IARS1: variants seen among roughly 807,000 people sequenced by gnomAD.
IARS1 encodes isoleucine--tRNA ligase, cytoplasmic.
A neutral mutation model predicts 168.2 loss-of-function variants in IARS1; 124 were observed. The observed-to-expected ratio is 0.74, with a 90% confidence interval of 0.64 to 0.86. The LOEUF (loss-of-function observed/expected upper bound fraction) is 0.86, where lower values mean the gene tolerates loss of function less well. Ranked by LOEUF, IARS1 falls within the 40% of genes least tolerant of loss-of-function variation. The probability of loss-of-function intolerance (pLI) is 0.00; values close to 1 mark genes in which losing one functional copy is unlikely to be tolerated. For synonymous variants in IARS1, 532 were observed against 529.4 expected, an observed-to-expected ratio of 1.00 and a Z score of -0.07; for missense variants, 1,452 against 1,515.8, an observed-to-expected ratio of 0.96 and a Z score of 0.70.
intron 2 of IARS1, among the ~76,000 whole-genome samples, 154 bp from the exon 3 acceptor site, chr9:92,288,436 G>GT (rs1835800108): frequency 6.6e-6 from 1 of 152,156 alleles, no homozygotes; most frequent in Non-Finnish European, 1.5e-5. Context: ...TTTACTGGTG[G>GT]TCCTGCCTTC....
rs1825151826 is a variant in IARS1 at position 92,223,540 on chromosome 9, T to C, written c.3410-51A>G. 5 of 1,472,572 alleles carry C rather than the reference T, an allele frequency of 3.4e-6. No homozygotes were observed. The East Asian group carries it at 1.1e-4, about 34-fold the overall frequency. The allele number at this position is 1,472,572 out of a possible 1,614,324, so 91.2% of individuals were successfully genotyped here. ...CAGGGTTAACGAACAAATTCAAAAC[T>C]GAAGTCATTCAATTTTTCCTATTTA... is the stretch of plus-strand genomic sequence containing the variant. On this transcript the variant is annotated intron_variant, in intron 31 of 33. Transcript: ENST00000443024.
At chr9:92,289,235 C>A in intron 2 of IARS1, 66 bp downstream of exon 2, 5 of 588,758 alleles carry the variant, frequency 8.5e-6, no homozygotes, top group Non-Finnish European at 1.6e-5. Context: ...AAAGTATCTG[C>A]TTTAATGGAA....
At position 92,210,916 on chromosome 9, in the gene IARS1, A is replaced by T. The variant is rs772342731; in HGVS notation, c.3707-27T>A. ...TAGAATGGAAAGAAAAAGTTGAAAA[A>T]AAATCAGTATTTTACCTATTGGGGG... is the stretch of plus-strand genomic sequence containing the variant. On this transcript the variant is annotated intron_variant, in intron 33 of 33. Transcript: ENST00000443024. 4.8e-6 allele frequency: 7 copies of T among 1,449,402 alleles called. No individual in the cohort carries two copies. In the Admixed American group the frequency reaches 1.2e-4, roughly 24 times the overall value. 89.8% of individuals were successfully genotyped at this position (1,449,402 alleles called of 1,614,324 possible). A position where few individuals can be genotyped will look rare whatever the true frequency, so the allele number is the denominator to read the frequency against.
chr9:92,262,311 T>C (rs891553021), intron 17 of IARS1, among the ~76,000 whole-genome samples: 1 of 152,156 alleles, frequency 6.6e-6, no homozygotes, highest in Non-Finnish European at 1.5e-5. Context: ...AAATGTTAGG[T>C]GACATCCTCT....
At chr9:92,252,451 G>T in intron 21 of IARS1, 1 of 496,976 alleles carries the variant, frequency 2.0e-6, no homozygotes, top group East Asian at 5.6e-5. Context: ...TTGTGTTGCA[G>T]GCTTTTATTA....
Position 92,242,777 on chromosome 9 carries a change from CTG to C in IARS1, c.3000+437_3000+438del. ...CACTAGCAGGGGCTTTGCAGCCCCT[CTG>C]CGCTCCAGGATGAGCTCCCTGCATA... On this transcript the variant is annotated intron_variant, in intron 28 of 33. Coordinates refer to ENST00000443024, the MANE Select transcript of IARS1 (RefSeq NM_002161.6). 3 of 201,544 alleles carry C rather than the reference CTG, an allele frequency of 1.5e-5. No homozygotes were observed. The South Asian group carries it at 2.9e-4, about 19-fold the overall frequency. 12.5% of individuals were successfully genotyped at this position (201,544 alleles called of 1,614,324 possible).
At chr9:92,274,601 A>T (rs1462587354) in intron 9 of IARS1, 80 bp from the exon 10 acceptor site, 1 of 975,514 alleles carries the variant, frequency 1.0e-6, no homozygotes, top group African/African-American at 1.6e-5. Context: ...TTTTCCTAAG[A>T]ACCTGAAAAT....
In IARS1 at chr9:92,289,544, T is replaced by G. The variant is rs78272535; in HGVS notation, c.-7-118A>C. 2,693 of 642,360 alleles carry G rather than the reference T, an allele frequency of 4.2e-3. 38 individuals are homozygous for G. The highest frequency in any genetic ancestry group is 0.032 in the African/African-American group (1,715 of 54,386). The allele number at this position is 642,360 out of a possible 1,614,324, so 39.8% of individuals were successfully genotyped here. A position where few individuals can be genotyped will look rare whatever the true frequency, so the allele number is the denominator to read the frequency against. ...ATACTTTTAAAAAATTACAGCTTTA[T>G]TGATGTACAATTTACATAGTGTAAT... On this transcript the variant is annotated intron_variant, in intron 1 of 33. Coordinates refer to ENST00000443024, the MANE Select transcript of IARS1 (RefSeq NM_002161.6).
At position 92,245,014 on chromosome 9, in the gene IARS1, G is replaced by C. The variant is rs1347752502; in HGVS notation, c.2849C>G (p.Thr950Ser). 6.2e-7 allele frequency: 1 copy of C among 1,614,182 alleles called. No individual in the cohort carries two copies. The highest frequency in any genetic ancestry group is 2.2e-5 in the East Asian group (1 of 44,886). ...AGTCCCACCTGTGGCCTGATCAAAGGTGTACATGAGGCGGATGTCTTCATC... is the reference window on the plus strand; with the variant it reads ...AGTCCCACCTGTGGCCTGATCAAAGCTGTACATGAGGCGGATGTCTTCATC... ...LHDEDIRLMY[T>S]FDQATGGTAQ... Residue 950 changes from threonine to serine, a missense_variant, in exon 27 of 34, where the codon ACC (threonine) becomes AGC (serine). Transcript: ENST00000443024.
intron 22 of IARS1, chr9:92,251,180 C>A: frequency 2.2e-6 from 1 of 463,414 alleles, no homozygotes; most frequent in Non-Finnish European, 4.3e-6. Context: ...ATACCCCCTG[C>A]TTCACAGGAT....
chr9:92,242,327 T>C lies in IARS1; in HGVS notation c.3004A>G (p.Asn1002Asp), dbSNP rs1828552865. Reference sequence around the variant, plus strand: ...GTGATTTCATCAGTTGGAACCAGATTGCACTGAAAACACACACAGAAAAAT... The same window carrying C: ...GTGATTTCATCAGTTGGAACCAGATCGCACTGAAAACACACACAGAAAAAT... ...NRIQKLRKKC[N>D]LVPTDEITVY... The change falls in exon 29 of 34, where the codon AAT (asparagine) becomes GAT (aspartate). Residue 1002 changes from asparagine (N) to aspartate (D), a missense_variant. Asn to Asp is a conservative substitution (Grantham distance 23). Transcript: ENST00000443024. 1.2e-6 allele frequency: 2 copies of C among 1,609,632 alleles called. No homozygotes were observed. Among genetic ancestry groups the C allele is most frequent in the East Asian group, 4.5e-5 (2 of 44,840 alleles).
At chr9:92,290,155 C>T (rs1270504788) in intron 1 of IARS1, among the ~76,000 whole-genome samples, 4 of 152,120 alleles carry the variant, frequency 2.6e-5, no homozygotes, top group African/African-American at 9.7e-5. Context: ...AGTGACTGTA[C>T]TATTTTACAT....
intron 33 of IARS1, among the ~76,000 whole-genome samples, chr9:92,219,042 C>G (rs1471545398): frequency 1.3e-5 from 2 of 152,104 alleles, no homozygotes; most frequent in Non-Finnish European, 2.9e-5. Context: ...CTACAGTAAC[C>G]AAAACAGCAT....
At chr9:92,231,913 A>G (rs1826768392) in intron 30 of IARS1, among the ~76,000 whole-genome samples, 1 of 152,238 alleles carries the variant, frequency 6.6e-6, no homozygotes, top group South Asian at 2.1e-4. Flanking sequence ...GCAGATATAC[A>G]ACTTTTAAAT....
At chr9:92,272,914 G>C (rs1040200682) in intron 10 of IARS1, among the ~76,000 whole-genome samples, 4 of 148,004 alleles carry the variant, frequency 2.7e-5, no homozygotes, top group African/African-American at 9.9e-5. Flanking sequence ...AAAAGCTATA[G>C]TTTAAAGAAT....
At chr9:92,285,261 GCAA>G (rs753992935) in intron 6 of IARS1, among the ~76,000 whole-genome samples, 29 of 152,064 alleles carry the variant, frequency 1.9e-4, no homozygotes, top group African/African-American at 2.9e-4. Flanking sequence ...CTCAATCATA[GCAA>G]CAACAACAAC....
Position 92,288,212 on chromosome 9 carries a change from T to C in IARS1, c.190A>G (p.Ile64Val), listed in dbSNP as rs1564190434. 1 of 1,613,950 alleles carries C rather than the reference T, an allele frequency of 6.2e-7. No individual in the cohort carries two copies. Among genetic ancestry groups the C allele is most frequent in the Admixed American group, 1.7e-5 (1 of 59,994 alleles). Residue 64 changes from isoleucine (I) to valine (V), a missense_variant, in exon 3 of 34, where the codon ATT becomes GTT. By Grantham distance (29) the Ile-to-Val change is conservative. Coordinates refer to ENST00000443024, the MANE Select transcript of IARS1 (RefSeq NM_002161.6). ...PHYGHILAGT[I>V]KDIVTRYAHQ... The stretch of plus-strand genomic sequence containing the variant: ...GCATATCTTGTAACTATATCTTTAA[T>C]TGTACCCGCAAGTATATGTCCATAG...
intron 30 of IARS1, among the ~76,000 whole-genome samples, chr9:92,231,414 C>CTT (rs869062848): frequency 9.6e-5 from 13 of 135,106 alleles, no homozygotes; most frequent in South Asian, 2.4e-4. Context: ...TTATTTTTTT[C>CTT]TTTTTTTTTT....
chr9:92,239,820 C>G (rs1828098290), intron 30 of IARS1, among the ~76,000 whole-genome samples: 1 of 152,096 alleles, frequency 6.6e-6, no homozygotes, highest in African/African-American at 2.4e-5. Context: ...CCAGGCTCCC[C>G]ACTTGGCCTT....
Sources: allele counts gnomAD v4.1 joint callset (sites outside exome capture counted in the v4.1 genomes callset), GRCh38; gene constraint gnomAD v4.1.1; transcripts MANE v1.5; gene names NCBI Gene and HGNC (gene_info 2026-07-23, HGNC 2026-07-21).